Variants in STAC observed in about 807,000 individuals in gnomAD.
STAC encodes the protein SH3 and cysteine-rich domain-containing protein.
In STAC, 43 loss-of-function variants were observed where a neutral mutation model predicts 48.8. The ratio of observed to expected loss-of-function variants is 0.88; its 90% CI spans 0.69 to 1.14. The LOEUF (loss-of-function observed/expected upper bound fraction) is 1.14. Ranked by LOEUF, STAC falls within the 50% of genes most tolerant of loss-of-function variation. The pLI, the probability that STAC is intolerant of heterozygous loss-of-function variation, is 0.00. For synonymous variants in STAC, 193 were observed against 179.5 expected, an observed-to-expected ratio of 1.07 and a Z score of -0.60; for missense variants, 497 against 504.0, an observed-to-expected ratio of 0.99 and a Z score of 0.13.
chr3:36,462,306 T>G lies in STAC; in HGVS notation c.388+18666T>G, dbSNP rs555757671. 3.3e-5 allele frequency among the ~76,000 whole-genome samples: 5 copies of G among 152,092 alleles called. No individual in the cohort carries two copies. The East Asian group carries it at 9.6e-4, about 29-fold the overall frequency. Reference sequence around the variant, plus strand: ...GAGTATGCATTGGGGGAAAATTCAGTGTTAGTCACGTTAAAATTGAAATGT... The same window carrying G: ...GAGTATGCATTGGGGGAAAATTCAGGGTTAGTCACGTTAAAATTGAAATGT... On this transcript the variant is annotated intron_variant, in intron 2 of 10. Transcript: ENST00000273183.
intron 10 of STAC, among the ~76,000 whole-genome samples, chr3:36,543,448 G>A (rs1241594845): frequency 1.3e-5 from 2 of 152,194 alleles, no homozygotes; most frequent in Non-Finnish European, 2.9e-5. Context: ...GCACTTTAGA[G>A]ATGCCAAACA....
At chr3:36,461,960 G>A (rs186138860) in intron 2 of STAC, among the ~76,000 whole-genome samples, 1 of 152,278 alleles carries the variant, frequency 6.6e-6, no homozygotes, top group East Asian at 1.9e-4. Flanking sequence ...AATGGTTGGT[G>A]TTGCTGTTAT....
intron 2 of STAC, among the ~76,000 whole-genome samples, chr3:36,470,055 T>A (rs755772421): frequency 1.4e-4 from 22 of 152,214 alleles, no homozygotes; most frequent in Non-Finnish European, 2.5e-4. Flanking sequence ...TGACCTGAAT[T>A]TTTTTTCTGG....
chr3:36,381,000 G>T (rs757895499), intron 1 of STAC, among the ~76,000 whole-genome samples: 3 of 149,562 alleles, frequency 2.0e-5, no homozygotes, highest in Non-Finnish European at 3.0e-5. Flanking sequence ...TTCAGAGATC[G>T]ATTTCTTGCG....
intron 2 of STAC, among the ~76,000 whole-genome samples, chr3:36,482,247 G>C (rs892183788): frequency 5.3e-5 from 8 of 152,298 alleles, no homozygotes; most frequent in Non-Finnish European, 1.0e-4. Flanking sequence ...TGCAGCACCT[G>C]CCATCTTCCT....
At chr3:36,478,473 G>A (rs1159984327) in intron 2 of STAC, among the ~76,000 whole-genome samples, 3 of 151,864 alleles carry the variant, frequency 2.0e-5, no homozygotes, top group Admixed American at 6.6e-5. Context: ...ATACTCAAAG[G>A]TATCAATAAA....
chr3:36,449,672 C>T (rs984594360), intron 2 of STAC, among the ~76,000 whole-genome samples: 1 of 152,162 alleles, frequency 6.6e-6, no homozygotes, highest in Non-Finnish European at 1.5e-5. Flanking sequence ...TTAAATGAAA[C>T]AGTAACCCAC....
intron 3 of STAC, among the ~76,000 whole-genome samples, chr3:36,484,774 G>A (rs142829990): frequency 7.1e-4 from 108 of 152,286 alleles, no homozygotes; most frequent in African/African-American, 2.3e-3. Flanking sequence ...TGGATAGAGT[G>A]TAACTTGCTA....
chr3:36,467,406 G>T (rs1697209046), intron 2 of STAC, among the ~76,000 whole-genome samples: 1 of 152,062 alleles, frequency 6.6e-6, no homozygotes, highest in Admixed American at 6.5e-5. Context: ...TTGGAATAGT[G>T]TCAATAGGAT....
At chr3:36,513,635 C>T (rs1326438270) in intron 8 of STAC, among the ~76,000 whole-genome samples, 1 of 152,160 alleles carries the variant, frequency 6.6e-6, no homozygotes, top group East Asian at 1.9e-4. Flanking sequence ...ATAAGGCTTA[C>T]TAACTAACTT....
Position 36,505,780 on chromosome 3 carries a change from C to A in STAC, c.866C>A (p.Thr289Asn). 6.2e-7 allele frequency: 1 copy of A among 1,608,070 alleles called. No individual in the cohort carries two copies. Among genetic ancestry groups the A allele is most frequent in the Non-Finnish European group, 8.5e-7 (1 of 1,178,040 alleles). ...TCCAAAGACCCATTACAGATGAACA[C>A]CTATGTTGCCTTGTACAAATTTGTA... ...SLSKDPLQMNTYVALYKFVPQ... is the reference protein window; with the variant it reads ...SLSKDPLQMNNYVALYKFVPQ... Residue 289 changes from threonine (T) to asparagine (N), a missense_variant, in exon 8 of 11, where the codon ACC (threonine) becomes AAC (asparagine). By Grantham distance (65) the Thr-to-Asn change is moderately conservative. Coordinates refer to ENST00000273183, the MANE Select transcript of STAC (RefSeq NM_003149.3).
chr3:36,442,739 T>TACACACAC (rs10528748), intron 1 of STAC, among the ~76,000 whole-genome samples: 47 of 133,490 alleles, frequency 3.5e-4, no homozygotes, highest in East Asian at 2.3e-3. Flanking sequence ...TCCTATGTCC[T>TACACACAC]ACACACACAC....
chr3:36,530,069 G>A lies in STAC; in HGVS notation c.1110+1084G>A, dbSNP rs566320695. Among the ~76,000 whole-genome samples, 4 of 152,294 alleles carry A rather than the reference G, an allele frequency of 2.6e-5. No individual in the cohort carries two copies. The East Asian group carries it at 5.8e-4, about 22-fold the overall frequency. Reference sequence around the variant, plus strand: ...AGGGAGGTGGAGGCTGCAGTGAGCCGAGATCGTGCCACTGCACTCCAGCCT... The same window carrying A: ...AGGGAGGTGGAGGCTGCAGTGAGCCAAGATCGTGCCACTGCACTCCAGCCT... On this transcript the variant is annotated intron_variant, in intron 10 of 10. Coordinates refer to ENST00000273183, the MANE Select transcript of STAC (RefSeq NM_003149.3).
chr3:36,414,280 G>C (rs1700265043), intron 1 of STAC, among the ~76,000 whole-genome samples: 1 of 151,932 alleles, frequency 6.6e-6, no homozygotes, highest in African/African-American at 2.4e-5. Context: ...TTTCCAACTG[G>C]GTTCAATTCT....
chr3:36,383,567 ATTTTCATTT>A (rs1699557815), intron 1 of STAC, among the ~76,000 whole-genome samples: 1 of 306 alleles, frequency 3.3e-3, no homozygotes, highest in Non-Finnish European at 6.0e-3. Context: ...GATAAGGGTT[ATTTTCATTT>A]TATTTTCATA....
At chr3:36,483,752 G>A (rs1278509319) in intron 3 of STAC, among the ~76,000 whole-genome samples, 1 of 152,144 alleles carries the variant, frequency 6.6e-6, no homozygotes, top group African/African-American at 2.4e-5. Flanking sequence ...AGGAGTTCGA[G>A]ACCAGCCTGG....
chr3:36,398,279 T>C (rs1487996274), intron 1 of STAC, among the ~76,000 whole-genome samples: 1 of 137,096 alleles, frequency 7.3e-6, no homozygotes, highest in South Asian at 2.2e-4. Context: ...TACTGCCATC[T>C]ATGAAGGTAT....
At chr3:36,472,615 A>G (rs900962975) in intron 2 of STAC, among the ~76,000 whole-genome samples, 28 of 152,224 alleles carry the variant, frequency 1.8e-4, no homozygotes, top group African/African-American at 6.5e-4. Context: ...ACCCTAAATC[A>G]TCTTTCTCAA....
intron 2 of STAC, chr3:36,459,432 T>C (rs1215400855): frequency 1.3e-5 from 2 of 152,206 alleles, no homozygotes; most frequent in South Asian, 2.1e-4. Flanking sequence ...CTATCTACAG[T>C]TCTTAGCAGC....
Sources: allele counts gnomAD v4.1 joint callset (sites outside exome capture counted in the v4.1 genomes callset), GRCh38; gene constraint gnomAD v4.1.1; transcripts MANE v1.5; gene names NCBI Gene and HGNC (gene_info 2026-07-23, HGNC 2026-07-21).